The following CTNNA2 variants were observed in gnomAD, a reference collection of about 807,000 sequenced individuals.
The protein encoded by CTNNA2 is catenin alpha 2, also known as catenin alpha-2.
A neutral mutation model predicts 101.0 loss-of-function variants in CTNNA2; 42 were observed. The observed-to-expected ratio is 0.42, with a 90% CI of 0.32 to 0.54. The LOEUF (loss-of-function observed/expected upper bound fraction) is 0.54, where lower values mean the gene tolerates loss of function less well. Ranked by LOEUF, CTNNA2 falls within the 20% of genes least tolerant of loss-of-function variation. CTNNA2 has a pLI of 0.14. For missense variants in CTNNA2, 871 were observed against 1,223.1 expected, an observed-to-expected ratio of 0.71 and a Z score of 4.29; for synonymous variants, 450 against 456.4, an observed-to-expected ratio of 0.99 and a Z score of 0.18.
At chr2:79,505,383 A>C (rs922553257) in intron 5 of CTNNA2, among the ~76,000 whole-genome samples, 1 of 152,120 alleles carries the variant, frequency 6.6e-6, no homozygotes, top group South Asian at 2.1e-4. Flanking sequence ...TTGGACTGAT[A>C]CAGTCATAAA....
chr2:80,339,747 G>A (rs539871077), intron 7 of CTNNA2, among the ~76,000 whole-genome samples: 1 of 152,150 alleles, frequency 6.6e-6, no homozygotes, highest in Non-Finnish European at 1.5e-5. Context: ...AGAGGAAAGT[G>A]TAAGAAACAA....
At chr2:79,586,971 T>C (rs1189403052) in intron 1 of CTNNA2, among the ~76,000 whole-genome samples, 2 of 152,202 alleles carry the variant, frequency 1.3e-5, no homozygotes, top group African/African-American at 4.8e-5. Flanking sequence ...CCTCCAACTC[T>C]ATCTGAGTTG....
intron 1 of CTNNA2, among the ~76,000 whole-genome samples, chr2:79,561,621 G>A (rs1347450428): frequency 6.6e-6 from 1 of 151,676 alleles, no homozygotes; most frequent in Non-Finnish European, 1.5e-5. Flanking sequence ...TGTGATTATA[G>A]CCATGGTAGT....
intron 3 of CTNNA2, among the ~76,000 whole-genome samples, chr2:79,334,122 A>G (rs1676937827): frequency 6.6e-6 from 1 of 152,160 alleles, no homozygotes; most frequent in African/African-American, 2.4e-5. Flanking sequence ...ATTTGAAAAT[A>G]TACATTAAAT....
chr2:79,586,534 T>TTG (rs952487663), intron 1 of CTNNA2, among the ~76,000 whole-genome samples: 4 of 151,728 alleles, frequency 2.6e-5, no homozygotes, highest in African/African-American at 9.7e-5. Context: ...TTTCTTTTTT[T>TTG]TTAGCACTTT....
intron 1 of CTNNA2, among the ~76,000 whole-genome samples, chr2:79,597,314 T>C (rs1277998146): frequency 6.6e-6 from 1 of 151,762 alleles, no homozygotes; most frequent in East Asian, 1.9e-4. Context: ...CTACTAAAAA[T>C]ACAAAAAATT....
At chr2:80,045,665 A>AT (rs1308180774) in intron 7 of CTNNA2, among the ~76,000 whole-genome samples, 3 of 151,870 alleles carry the variant, frequency 2.0e-5, no homozygotes, top group South Asian at 2.1e-4. Context: ...TCCTGATGCC[A>AT]TTTTTTTTCT....
intron 3 of CTNNA2, among the ~76,000 whole-genome samples, chr2:79,776,826 A>G (rs1340159204): frequency 6.6e-6 from 1 of 152,196 alleles, no homozygotes; most frequent in East Asian, 1.9e-4. Flanking sequence ...ATTTGAGCCA[A>G]ACCCACATGG....
At chr2:80,560,834 A>G (rs1026520379) in intron 12 of CTNNA2, among the ~76,000 whole-genome samples, 3 of 152,196 alleles carry the variant, frequency 2.0e-5, no homozygotes, top group Admixed American at 6.5e-5. Context: ...GTCTGTTTTT[A>G]GAGGCAAGTG....
intron 7 of CTNNA2, among the ~76,000 whole-genome samples, chr2:79,932,861 C>T (rs1687539874): frequency 2.0e-5 from 3 of 152,208 alleles, no homozygotes; most frequent in African/African-American, 4.8e-5. Flanking sequence ...GTGGTCATGA[C>T]AGGCACCTGT....
chr2:80,544,053 A>G (rs1458642684), intron 9 of CTNNA2, among the ~76,000 whole-genome samples: 1 of 152,106 alleles, frequency 6.6e-6, no homozygotes, highest in Non-Finnish European at 1.5e-5. Flanking sequence ...ACCTTGAATT[A>G]CCAACTCTCC....
chr2:79,920,885 A>C (rs771958259), intron 7 of CTNNA2, among the ~76,000 whole-genome samples: 1 of 152,152 alleles, frequency 6.6e-6, no homozygotes, highest in Non-Finnish European at 1.5e-5. Flanking sequence ...GCTCACTCTT[A>C]TTTCTGTCGC....
chr2:79,809,278 G>T (rs1454625218), intron 3 of CTNNA2, among the ~76,000 whole-genome samples: 2 of 152,220 alleles, frequency 1.3e-5, no homozygotes, highest in Non-Finnish European at 2.9e-5. Flanking sequence ...ATAGGAGAAT[G>T]ATTTATAATC....
intron 15 of CTNNA2, among the ~76,000 whole-genome samples, chr2:80,589,759 G>GT (rs1004021025): frequency 2.6e-5 from 4 of 152,076 alleles, no homozygotes; most frequent in African/African-American, 4.8e-5. Context: ...CGAGGGACGG[G>GT]TGACTCATCT....
chr2:80,599,640 C>A (rs552590069), intron 15 of CTNNA2, among the ~76,000 whole-genome samples: 1 of 152,138 alleles, frequency 6.6e-6, no homozygotes, highest in East Asian at 1.9e-4. Context: ...GAAACCTGGG[C>A]CTTGAAACTT....
At chr2:79,360,232 GA>G (rs1477629880) in intron 3 of CTNNA2, among the ~76,000 whole-genome samples, 1 of 152,116 alleles carries the variant, frequency 6.6e-6, no homozygotes. Context: ...GGAAAGTTCA[GA>G]AGAAGAAAAG....
intron 9 of CTNNA2, among the ~76,000 whole-genome samples, chr2:80,498,242 G>A (rs1239965800): frequency 1.3e-5 from 2 of 152,124 alleles, no homozygotes. Context: ...AAAACCAGTG[G>A]GAGCCCCTTT....
chr2:80,258,024 G>A (rs1372090354), intron 7 of CTNNA2, among the ~76,000 whole-genome samples: 7 of 152,356 alleles, frequency 4.6e-5, no homozygotes, highest in East Asian at 3.9e-4. Context: ...CACCCTGGAC[G>A]TTAGAGAGTT....
rs144674977 is a variant in CTNNA2 at position 79,396,107 on chromosome 2, C to A, written c.-135+22094C>A. ...AGTTTGTTGTTTTATTTTTTGGAAT[C>A]ATTCTAATATGTCCAAAGTATTTTT... On this transcript the variant is annotated intron_variant, in intron 4 of 21. Coordinates refer to the CTNNA2 transcript ENST00000466387. Among the ~76,000 whole-genome samples the A allele has an allele frequency of 1.5e-3, 235 of 152,240 alleles. 1 individual carries two copies. The Middle Eastern group carries it at 0.031, about 20-fold the overall frequency.
Sources: allele counts gnomAD v4.1 joint callset (sites outside exome capture counted in the v4.1 genomes callset), GRCh38; gene constraint gnomAD v4.1.1; transcripts MANE v1.5; gene names NCBI Gene and HGNC (gene_info 2026-07-23, HGNC 2026-07-21).